GRM7: variants seen among roughly 807,000 people sequenced by gnomAD.
GRM7 encodes the protein metabotropic glutamate receptor 7.
A neutral mutation model predicts 84.5 loss-of-function variants in GRM7; 35 were observed. The ratio of observed to expected loss-of-function variants is 0.41; its 90% CI spans 0.32 to 0.55. GRM7 has a LOEUF of 0.55. Ranked by LOEUF, GRM7 falls within the 20% of genes least tolerant of loss-of-function variation. The pLI is 0.19. For synonymous variants in GRM7, 487 were observed against 455.1 expected, an observed-to-expected ratio of 1.07 and a Z score of -0.89; for missense variants, 1,003 against 1,194.6, an observed-to-expected ratio of 0.84 and a Z score of 2.36.
intron 8 of GRM7, among the ~76,000 whole-genome samples, chr3:7,624,115 A>G (rs1697494435): frequency 6.6e-6 from 1 of 152,170 alleles, no homozygotes; most frequent in East Asian, 1.9e-4. Context: ...TCTATCTGAT[A>G]AGGTTGTTTT....
intron 4 of GRM7, among the ~76,000 whole-genome samples, chr3:7,321,997 C>T (rs1018553532): frequency 5.3e-5 from 8 of 152,090 alleles, no homozygotes; most frequent in Non-Finnish European, 1.0e-4. Flanking sequence ...AGAAAAACCC[C>T]AGAATATTAT....
intron 1 of GRM7, among the ~76,000 whole-genome samples, chr3:7,033,785 C>T (rs950730241): frequency 6.6e-6 from 1 of 152,178 alleles, no homozygotes; most frequent in African/African-American, 2.4e-5. Context: ...GGAAACTCCC[C>T]AATCCCAGGA....
chr3:7,507,548 A>T (rs906285234), intron 7 of GRM7, among the ~76,000 whole-genome samples: 8 of 152,204 alleles, frequency 5.3e-5, no homozygotes, highest in African/African-American at 1.9e-4. Flanking sequence ...AAAACCAATT[A>T]ACCTATCAGC....
chr3:7,054,346 A>G (rs1697134356), intron 1 of GRM7, among the ~76,000 whole-genome samples: 1 of 149,500 alleles, frequency 6.7e-6, no homozygotes, highest in African/African-American at 2.4e-5. Flanking sequence ...ATATGATGAT[A>G]TATATGATAT....
intron 8 of GRM7, among the ~76,000 whole-genome samples, chr3:7,613,699 G>A (rs1206613654): frequency 2.6e-5 from 4 of 151,982 alleles, no homozygotes; most frequent in Non-Finnish European, 4.4e-5. Context: ...CCTCTCTAAG[G>A]CCCCTTCCAG....
At chr3:7,371,684 C>T (rs1694142013) in intron 4 of GRM7, among the ~76,000 whole-genome samples, 5 of 152,132 alleles carry the variant, frequency 3.3e-5, no homozygotes, top group Admixed American at 3.3e-4. Flanking sequence ...CTCTCTGACA[C>T]CCCCTTTCTC....
intron 8 of GRM7, among the ~76,000 whole-genome samples, chr3:7,587,181 C>G (rs1695558170): frequency 6.6e-6 from 1 of 152,060 alleles, no homozygotes; most frequent in Non-Finnish European, 1.5e-5. Flanking sequence ...TTACAGAAAC[C>G]CTTCTCTTTC....
intron 2 of GRM7, among the ~76,000 whole-genome samples, chr3:7,298,047 G>T (rs7621647): frequency 0.1 from 15,622 of 152,114 alleles, 2,633 homozygotes; most frequent in African/African-American, 0.35. Context: ...TGAGCAATAC[G>T]AAATACTTTA....
intron 8 of GRM7, 138 bp downstream of exon 8, chr3:7,579,495 G>A: frequency 1.7e-6 from 1 of 584,702 alleles, no homozygotes; most frequent in South Asian, 2.6e-5. Context: ...ACTAATTCAA[G>A]GTCTAGTAGG....
At chr3:7,028,463 A>G (rs1360419208) in intron 1 of GRM7, among the ~76,000 whole-genome samples, 1 of 152,220 alleles carries the variant, frequency 6.6e-6, no homozygotes, top group Admixed American at 6.5e-5. Flanking sequence ...CTTTCAGATA[A>G]TAATAACCTT....
At chr3:7,336,492 A>T (rs1701426489) in intron 4 of GRM7, among the ~76,000 whole-genome samples, 1 of 152,084 alleles carries the variant, frequency 6.6e-6, no homozygotes, top group African/African-American at 2.4e-5. Flanking sequence ...CAAGACAAGG[A>T]TGCCCACTTT....
At chr3:7,057,659 A>C (rs1191202227) in intron 1 of GRM7, among the ~76,000 whole-genome samples, 1 of 151,976 alleles carries the variant, frequency 6.6e-6, no homozygotes, top group African/African-American at 2.4e-5. Context: ...GAATATCTTA[A>C]TGTTTGAGTT....
At chr3:7,518,102 G>A (rs1277671905) in intron 7 of GRM7, among the ~76,000 whole-genome samples, 2 of 152,172 alleles carry the variant, frequency 1.3e-5, no homozygotes, top group Non-Finnish European at 2.9e-5. Flanking sequence ...AAAGCTCATA[G>A]GCATGGCTCC....
At chr3:7,463,729 G>A (rs1301583054) in intron 7 of GRM7, among the ~76,000 whole-genome samples, 1 of 152,128 alleles carries the variant, frequency 6.6e-6, no homozygotes, top group Admixed American at 6.5e-5. Flanking sequence ...ATGTGATGAT[G>A]ATTTAATCAG....
chr3:7,316,709 A>G (rs1293819167), intron 4 of GRM7, among the ~76,000 whole-genome samples: 1 of 152,282 alleles, frequency 6.6e-6, no homozygotes, highest in Non-Finnish European at 1.5e-5. Context: ...GTTAAGTTTG[A>G]GATACTTATT....
chr3:7,446,641 G>A (rs1697526599), intron 5 of GRM7, among the ~76,000 whole-genome samples: 1 of 151,684 alleles, frequency 6.6e-6, no homozygotes, highest in Non-Finnish European at 1.5e-5. Context: ...TGTGTATTTG[G>A]TACAGACGAG....
At chr3:7,498,046 T>A (rs1172814646) in intron 7 of GRM7, among the ~76,000 whole-genome samples, 5 of 152,222 alleles carry the variant, frequency 3.3e-5, no homozygotes, top group African/African-American at 4.8e-5. Flanking sequence ...AGTCCCAGAT[T>A]TCCTCATCAT....
rs543059942 is a variant in GRM7 at position 7,649,618 on chromosome 3, G to T, written c.2452-30431G>T. Among the ~76,000 whole-genome samples the T allele has an allele frequency of 2.4e-4, 36 of 151,870 alleles. No homozygotes were observed. The East Asian group carries it at 4.2e-3, about 18-fold the overall frequency. ...GTCACACATACCCCCTTGCTAACTTGCGTGAGTTGACTATTTTTACACCAT... is the reference window on the plus strand; with the variant it reads ...GTCACACATACCCCCTTGCTAACTTTCGTGAGTTGACTATTTTTACACCAT... On this transcript the variant is annotated intron_variant, in intron 8 of 9. Transcript: ENST00000357716.
intron 1 of GRM7, among the ~76,000 whole-genome samples, chr3:6,994,446 C>T (rs1694761266): frequency 6.6e-6 from 1 of 152,142 alleles, no homozygotes; most frequent in Non-Finnish European, 1.5e-5. Context: ...CTTAGTTGCC[C>T]TTAATAAACT....
Sources: allele counts gnomAD v4.1 joint callset (sites outside exome capture counted in the v4.1 genomes callset), GRCh38; gene constraint gnomAD v4.1.1; transcripts MANE v1.5; gene names NCBI Gene and HGNC (gene_info 2026-07-23, HGNC 2026-07-21).